NAA11: variants seen among roughly 807,000 people sequenced by gnomAD.
NAA11 encodes N-alpha-acetyltransferase 11, NatA catalytic subunit, also known as N-alpha-acetyltransferase 11.
In NAA11, 15 loss-of-function variants were observed where a neutral mutation model predicts 16.1. The ratio of observed to expected loss-of-function variants is 0.93; its 90% CI spans 0.62 to 1.44. The LOEUF (loss-of-function observed/expected upper bound fraction) is 1.44, where lower values mean the gene tolerates loss of function less well. NAA11 is among the 40% of genes most tolerant of loss of function. The pLI is 0.00. For synonymous variants in NAA11, 122 were observed against 112.4 expected (o/e 1.09, Z -0.54); for missense variants, 298 against 291.3 (o/e 1.02, Z -0.17).
the NAA11 span, among the ~76,000 whole-genome samples, chr4:79,184,716 G>A: frequency 6.6e-6 from 1 of 152,114 alleles, no homozygotes; most frequent in Non-Finnish European, 1.5e-5. Context: ...TTTTACGCTA[G>A]GAACTCCCCT....
chr4:79,246,612 G>A (rs1166167979), intron 2 of NAA11, among the ~76,000 whole-genome samples: 1 of 152,128 alleles, frequency 6.6e-6, no homozygotes, highest in African/African-American at 2.4e-5. Flanking sequence ...CTTCGAAAAT[G>A]CGATTAAATC....
intron 2 of NAA11, among the ~76,000 whole-genome samples, chr4:79,275,812 T>G (rs1227634434): frequency 1.3e-5 from 2 of 152,052 alleles, no homozygotes; most frequent in Non-Finnish European, 2.9e-5. Flanking sequence ...TTTCAGAGCT[T>G]GGTGAGTTAT....
In NAA11 at chr4:79,325,980, T is replaced by A. The variant is rs529822850; in HGVS notation, c.-103A>T. 1.1e-4 allele frequency: 111 copies of A among 973,524 alleles called. 4 individuals carry two copies. The South Asian group carries it at 1.6e-3, about 14-fold the overall frequency. The allele number at this position is 973,524 out of a possible 1,614,324, so 60.3% of individuals were successfully genotyped here. On this transcript the variant is annotated 5_prime_UTR_variant, in exon 1 of 2. Transcript: ENST00000286794. ...GCCTCAGGAATCGAGTCCAGGGGGCTAACACCACCGGGCTGAATCGTGTGG... is the reference window on the plus strand; with the variant it reads ...GCCTCAGGAATCGAGTCCAGGGGGCAAACACCACCGGGCTGAATCGTGTGG...
intron 2 of NAA11, among the ~76,000 whole-genome samples, chr4:79,264,261 T>C (rs1175245666): frequency 6.6e-6 from 1 of 152,244 alleles, no homozygotes; most frequent in Non-Finnish European, 1.5e-5. Flanking sequence ...ATTTTATGTC[T>C]GTTGGATCTT....
At chr4:79,168,428 T>A in the NAA11 span, among the ~76,000 whole-genome samples, 2 of 152,216 alleles carry the variant, frequency 1.3e-5, no homozygotes, top group Non-Finnish European at 2.9e-5. Context: ...TGGTTCTAGA[T>A]CCTTGAGAGA....
intron 2 of NAA11, among the ~76,000 whole-genome samples, chr4:79,259,512 C>A (rs1376961666): frequency 6.6e-6 from 1 of 152,222 alleles, no homozygotes. Context: ...CTGCTCCCTG[C>A]CTGGCTCACC....
chr4:79,250,425 C>G (rs1397950125), intron 2 of NAA11, among the ~76,000 whole-genome samples: 1 of 152,220 alleles, frequency 6.6e-6, no homozygotes, highest in East Asian at 1.9e-4. Context: ...TTGAGTTCCA[C>G]AGGAACTCGG....
chr4:79,195,781 T>C, the NAA11 span: 1 of 151,996 alleles, frequency 6.6e-6, no homozygotes, highest in Non-Finnish European at 1.5e-5. Context: ...TGATGGTGAG[T>C]GAGTTCCTAT....
the NAA11 span, among the ~76,000 whole-genome samples, chr4:79,195,245 T>A: frequency 6.6e-6 from 1 of 152,064 alleles, no homozygotes; most frequent in Non-Finnish European, 1.5e-5. Flanking sequence ...TGAGAACAAC[T>A]TGTCAATAAG....
the NAA11 span, among the ~76,000 whole-genome samples, chr4:79,171,409 C>G: frequency 6.6e-6 from 1 of 152,066 alleles, no homozygotes. Context: ...GATGTGGGCC[C>G]CTTGATCTTG....
chr4:79,318,980 C>T (rs1206415731), intron 1 of NAA11, among the ~76,000 whole-genome samples: 2 of 152,092 alleles, frequency 1.3e-5, no homozygotes, highest in South Asian at 2.1e-4. Context: ...CACAGTGGTA[C>T]AATCATGGCT....
intron 2 of NAA11, among the ~76,000 whole-genome samples, chr4:79,248,536 G>C (rs1179752476): frequency 6.6e-6 from 1 of 152,080 alleles, no homozygotes; most frequent in African/African-American, 2.4e-5. Flanking sequence ...TGCCACAATT[G>C]CCACTGGCAC....
intron 2 of NAA11, among the ~76,000 whole-genome samples, chr4:79,280,386 C>G (rs7699569): frequency 2.6e-5 from 4 of 151,990 alleles, no homozygotes; most frequent in Admixed American, 2.0e-4. Context: ...GGATTTGGCT[C>G]TTGAGACAAA....
At chr4:79,188,970 G>A in the NAA11 span, among the ~76,000 whole-genome samples, 4 of 151,740 alleles carry the variant, frequency 2.6e-5, no homozygotes, top group East Asian at 7.8e-4. Flanking sequence ...AGTGGCTCAC[G>A]CCTGTAATCG....
At chr4:79,289,682 T>C (rs1723036308) in intron 2 of NAA11, among the ~76,000 whole-genome samples, 1 of 152,204 alleles carries the variant, frequency 6.6e-6, no homozygotes, top group African/African-American at 2.4e-5. Flanking sequence ...AAAGATTATA[T>C]TTCAGCTACT....
At chr4:79,259,923 T>C (rs1165223995) in intron 2 of NAA11, among the ~76,000 whole-genome samples, 4 of 152,194 alleles carry the variant, frequency 2.6e-5, no homozygotes, top group Non-Finnish European at 5.9e-5. Context: ...CTCTCAGATG[T>C]TTCTTCTCAG....
At chr4:79,303,076 T>TTATATATATATATATATATATATATATA (rs59261096) in intron 1 of NAA11, among the ~76,000 whole-genome samples, 1 of 67,524 alleles carries the variant, frequency 1.5e-5, no homozygotes, top group Non-Finnish European at 2.9e-5. Flanking sequence ...TTGAGGCCTT[T>TTATATATATATATATATATATATATATA]TATATATATA....
At chr4:79,305,872 C>T (rs1278207367) in intron 1 of NAA11, among the ~76,000 whole-genome samples, 1 of 152,126 alleles carries the variant, frequency 6.6e-6, no homozygotes, top group Non-Finnish European at 1.5e-5. Flanking sequence ...GTACATTTCT[C>T]TTATTTACAT....
chr4:79,183,302 A>T, the NAA11 span, among the ~76,000 whole-genome samples: 3 of 152,166 alleles, frequency 2.0e-5, no homozygotes, highest in African/African-American at 7.2e-5. Flanking sequence ...AATTTCAAGG[A>T]TCTAAAATGC....
Sources: allele counts gnomAD v4.1 joint callset (sites outside exome capture counted in the v4.1 genomes callset), GRCh38; gene constraint gnomAD v4.1.1; transcripts MANE v1.5; gene names NCBI Gene and HGNC (gene_info 2026-07-23, HGNC 2026-07-21).